The following FRMD4B variants were observed in gnomAD, a reference collection of about 807,000 sequenced individuals.
The protein encoded by FRMD4B is FERM domain-containing protein 4B.
In FRMD4B, 74 loss-of-function variants were observed where a neutral mutation model predicts 141.5. The observed-to-expected ratio is 0.52, with a 90% CI of 0.43 to 0.63. The LOEUF is 0.63. Ranked by LOEUF, FRMD4B falls within the 30% of genes least tolerant of loss-of-function variation. FRMD4B has a pLI of 0.00. For synonymous variants in FRMD4B, 506 were observed against 467.9 expected, an observed-to-expected ratio of 1.08 and a Z score of -1.05; for missense variants, 1,366 against 1,253.4, an observed-to-expected ratio of 1.09 and a Z score of -1.36.
At chr3:69,492,929 G>C (rs987600655) in intron 1 of FRMD4B, among the ~76,000 whole-genome samples, 4 of 152,156 alleles carry the variant, frequency 2.6e-5, no homozygotes, top group African/African-American at 9.7e-5. Flanking sequence ...TTTTATGTAT[G>C]AGTGTTTCAA....
intron 1 of FRMD4B, among the ~76,000 whole-genome samples, chr3:69,478,082 G>A (rs1177794668): frequency 1.3e-5 from 2 of 152,052 alleles, no homozygotes; most frequent in African/African-American, 4.8e-5. Context: ...GCATCTATTT[G>A]ATTCTTCTCT....
At chr3:69,325,317 A>G (rs1338291788) in intron 1 of FRMD4B, among the ~76,000 whole-genome samples, 1 of 152,218 alleles carries the variant, frequency 6.6e-6, no homozygotes, top group Non-Finnish European at 1.5e-5. Flanking sequence ...TGCAGCTCTA[A>G]TGCCAACCTG....
chr3:69,306,313 T>A (rs899048886), intron 3 of FRMD4B: 7 of 152,310 alleles, frequency 4.6e-5, no homozygotes, highest in Middle Eastern at 3.4e-3. Flanking sequence ...CAAAGCAAGT[T>A]TTATTTTTGG....
At chr3:69,404,558 C>T (rs1287224626) in intron 2 of FRMD4B, among the ~76,000 whole-genome samples, 1 of 152,168 alleles carries the variant, frequency 6.6e-6, no homozygotes, top group Non-Finnish European at 1.5e-5. Flanking sequence ...ATTATTATTA[C>T]TTCTATTATG....
intron 2 of FRMD4B, among the ~76,000 whole-genome samples, chr3:69,408,433 G>A (rs769377600): frequency 1.4e-4 from 22 of 152,160 alleles, no homozygotes; most frequent in Non-Finnish European, 1.6e-4. Flanking sequence ...GCCAATTGAC[G>A]CTTTCTCCAG....
At chr3:69,331,196 T>C (rs1317924196) in intron 1 of FRMD4B, among the ~76,000 whole-genome samples, 2 of 152,214 alleles carry the variant, frequency 1.3e-5, no homozygotes, top group African/African-American at 2.4e-5. Flanking sequence ...AAAAAAGCGT[T>C]GGTGCTTCTG....
At chr3:69,339,385 G>A (rs1014074742) in intron 1 of FRMD4B, among the ~76,000 whole-genome samples, 1 of 152,110 alleles carries the variant, frequency 6.6e-6, no homozygotes, top group African/African-American at 2.4e-5. Flanking sequence ...ACTAGCCGGT[G>A]GGACTTTGGG....
At chr3:69,486,404 C>T (rs7648079) in intron 1 of FRMD4B, among the ~76,000 whole-genome samples, 3,052 of 151,288 alleles carry the variant, frequency 0.02, 99 homozygotes, top group African/African-American at 0.069. Flanking sequence ...CAAAGTCCAT[C>T]GTATCTTTCT....
chr3:69,278,201 G>A (rs2093627642), intron 5 of FRMD4B, among the ~76,000 whole-genome samples: 1 of 152,096 alleles, frequency 6.6e-6, no homozygotes, highest in South Asian at 2.1e-4. Context: ...AATAAGTATT[G>A]CTTTAAAAAA....
At chr3:69,467,290 T>C (rs1705808174) in intron 1 of FRMD4B, among the ~76,000 whole-genome samples, 1 of 152,190 alleles carries the variant, frequency 6.6e-6, no homozygotes, top group Admixed American at 6.5e-5. Flanking sequence ...AAGAAGCACT[T>C]GTGACTTATT....
chr3:69,478,188 T>C (rs1360015028), intron 1 of FRMD4B, among the ~76,000 whole-genome samples: 1 of 152,232 alleles, frequency 6.6e-6, no homozygotes, highest in African/African-American at 2.4e-5. Context: ...GAAGGGTTTT[T>C]TGTGTCTCTA....
In FRMD4B at chr3:69,176,282, T is replaced by C. The variant is rs533106775; in HGVS notation, c.2984+242A>G. On this transcript the variant is annotated intron_variant, in intron 22 of 22. Transcript: ENST00000398540. ...TGATGGTGGCCAGATATTTTTGGCT[T>C]TGGTGCAACTACTCAGCTCTGCCCT... Among the ~76,000 whole-genome samples, 58 of 152,310 alleles carry C rather than the reference T, an allele frequency of 3.8e-4. 1 individual carries two copies. In the South Asian group the frequency reaches 0.012, roughly 30 times the overall value.
At chr3:69,254,996 G>A (rs768253876) in intron 5 of FRMD4B, among the ~76,000 whole-genome samples, 3 of 152,116 alleles carry the variant, frequency 2.0e-5, no homozygotes, top group South Asian at 2.1e-4. Context: ...AGGTTCCAAC[G>A]TACAGGAGAC....
chr3:69,286,236 A>T (rs1011599246), intron 5 of FRMD4B, among the ~76,000 whole-genome samples: 2 of 152,232 alleles, frequency 1.3e-5, no homozygotes, highest in Admixed American at 6.5e-5. Context: ...TGCTAACTCC[A>T]TGGGTAAATA....
chr3:69,239,444 G>A lies in FRMD4B; in HGVS notation c.581+9782C>T, dbSNP rs1178362318. 3.9e-5 allele frequency among the ~76,000 whole-genome samples: 6 copies of A among 152,268 alleles called. 1 individual carries two copies. In the Middle Eastern group the frequency reaches 0.01, roughly 259 times the overall value. ...GGTCTAAGGAATTTCTAATGAGAAT[G>A]AAAATGTGATGAAAGATTTTTCTAA... On this transcript the variant is annotated intron_variant, in intron 7 of 22. Transcript: ENST00000398540.
At chr3:69,270,399 AATAGATGACAG>A (rs560892568) in intron 5 of FRMD4B, among the ~76,000 whole-genome samples, 91 of 152,342 alleles carry the variant, frequency 6.0e-4, no homozygotes, top group African/African-American at 2.1e-3. Flanking sequence ...GTGTGAGAAA[AATAGATGACAG>A]ATAGATGACA....
chr3:69,498,935 G>A (rs967852192), intron 1 of FRMD4B, among the ~76,000 whole-genome samples: 49 of 152,204 alleles, frequency 3.2e-4, no homozygotes, highest in African/African-American at 1.2e-3. Flanking sequence ...TATTTGGGAA[G>A]ATAACTAAGC....
intron 5 of FRMD4B, among the ~76,000 whole-genome samples, chr3:69,257,808 T>A (rs1456000573): frequency 6.6e-6 from 1 of 151,538 alleles, no homozygotes; most frequent in African/African-American, 2.4e-5. Flanking sequence ...ACTACAGGTG[T>A]GTATCACCAT....
chr3:69,369,155 G>A (rs1703754220), intron 1 of FRMD4B, among the ~76,000 whole-genome samples: 2 of 152,150 alleles, frequency 1.3e-5, no homozygotes, highest in South Asian at 4.1e-4. Context: ...GAAAAAAAGC[G>A]AAAGCTATCT....
Sources: allele counts gnomAD v4.1 joint callset (sites outside exome capture counted in the v4.1 genomes callset), GRCh38; gene constraint gnomAD v4.1.1; transcripts MANE v1.5; gene names NCBI Gene and HGNC (gene_info 2026-07-23, HGNC 2026-07-21).